Variants in PI4KB observed in about 807,000 individuals in gnomAD.
PI4KB encodes the protein phosphatidylinositol 4-kinase beta, also known as PtdIns 4-kinase beta.
Under a neutral mutation model 81.4 loss-of-function variants are expected in PI4KB, and 23 were observed. The ratio of observed to expected loss-of-function variants is 0.28; its 90% CI spans 0.20 to 0.40. PI4KB has a LOEUF of 0.40. Ranked by LOEUF, PI4KB falls within the 10% of genes least tolerant of loss-of-function variation. The pLI is 1.00. For synonymous variants in PI4KB, 381 were observed against 406.8 expected (o/e 0.94, Z 0.76); for missense variants, 651 against 1,036.6 (o/e 0.63, Z 5.11).
At chr1:151,316,652 A>G in intron 1 of PI4KB, 143 bp from the exon 2 acceptor site, 3 of 538,428 alleles carry the variant, frequency 5.6e-6, no homozygotes, top group Non-Finnish European at 9.6e-6. Context: ...CTTCAAAATC[A>G]GATAAGAAGA....
intron 1 of PI4KB, among the ~76,000 whole-genome samples, chr1:151,317,811 TTTA>T (rs1228675275): frequency 6.6e-6 from 1 of 151,974 alleles, no homozygotes; most frequent in Non-Finnish European, 1.5e-5. Context: ...GCATCTCACC[TTTA>T]TTTTTATTTT....
At chr1:151,302,425 A>G in intron 6 of PI4KB, 127 bp from the exon 7 acceptor site, 1 of 666,180 alleles carries the variant, frequency 1.5e-6, no homozygotes, top group South Asian at 1.7e-5. Context: ...CCAGGCTGAA[A>G]GGGACTCATG....
intron 1 of PI4KB, among the ~76,000 whole-genome samples, chr1:151,319,077 T>A (rs572705792): frequency 6.6e-6 from 1 of 152,164 alleles, no homozygotes; most frequent in African/African-American, 2.4e-5. Context: ...CAACTGCAAA[T>A]TGGGAAAAAA....
chr1:151,293,217 C>T (rs587774546), intron 11 of PI4KB, 184 bp from the exon 12 acceptor site: 13 of 985,352 alleles, frequency 1.3e-5, no homozygotes, highest in East Asian at 1.1e-4. Flanking sequence ...CATCACCCCA[C>T]GCCTAAGCCC....
intron 1 of PI4KB, among the ~76,000 whole-genome samples, chr1:151,322,267 C>T (rs1242527590): frequency 2.6e-5 from 4 of 152,190 alleles, no homozygotes; most frequent in Admixed American, 2.6e-4. Context: ...GGAATTGTTA[C>T]AGGTCACACA....
chr1:151,313,973 A>C (rs937413325), intron 2 of PI4KB, among the ~76,000 whole-genome samples: 9 of 152,264 alleles, frequency 5.9e-5, no homozygotes, highest in African/African-American at 2.2e-4. Context: ...TGGCAAAATA[A>C]TACCTGTCTC....
In PI4KB at chr1:151,316,004, T is replaced by C. The variant is rs755140943; in HGVS notation, c.478A>G (p.Ile160Val). ...CGAAAGCAGAAGAGCCGGTTGCCAA[T>C]GTAGGCTTGTACTCCAGGCTCCTTG... ...NSKEPGVQAY[I>V]GNRLFCFRNE... Residue 160 changes from isoleucine to valine, a missense_variant, in exon 2 of 12, where the codon ATT (isoleucine) becomes GTT (valine). Physicochemically the swap from Ile to Val is conservative, Grantham distance 29 (BLOSUM62 3). This residue lies in a region of PI4KB where 314 missense variants were observed against 397.8 expected (regional missense o/e 0.79). Coordinates refer to ENST00000368873, the MANE Select transcript of PI4KB (RefSeq NM_001369623.2). The C allele has an allele frequency of 2.5e-6, 4 of 1,613,804 alleles. No homozygotes were observed. Among genetic ancestry groups the C allele is most frequent in the South Asian group, 2.2e-5 (2 of 91,060 alleles).
chr1:151,305,603 C>T (rs1436230038), intron 5 of PI4KB, among the ~76,000 whole-genome samples: 1 of 152,214 alleles, frequency 6.6e-6, no homozygotes, highest in Non-Finnish European at 1.5e-5. Flanking sequence ...GATGCCCGCC[C>T]CAAGTCTGGT....
chr1:151,297,539 ATT>A (rs1181584273), intron 9 of PI4KB, among the ~76,000 whole-genome samples: 1,696 of 140,578 alleles, frequency 0.012, 33 homozygotes, highest in African/African-American at 0.041. Flanking sequence ...ATATATATAA[ATT>A]TTTTTTTTTT....
At chr1:151,311,985 C>T (rs1384509048) in intron 2 of PI4KB, among the ~76,000 whole-genome samples, 1 of 152,228 alleles carries the variant, frequency 6.6e-6, no homozygotes. Flanking sequence ...CCATTCTATA[C>T]CAAAATATTT....
At chr1:151,296,073 C>G (rs1212784647) in intron 9 of PI4KB, among the ~76,000 whole-genome samples, 1 of 152,156 alleles carries the variant, frequency 6.6e-6, no homozygotes, top group Non-Finnish European at 1.5e-5. Flanking sequence ...TGGTGAAACC[C>G]CGTCTCTACT....
Position 151,307,688 on chromosome 1 carries a change from G to A in PI4KB, c.1068C>T (p.Leu356=). The part of the protein sequence containing the change: ...EQKTQRLISE[L]SLLNHKLPAR... ...CAGGGAGCTTATGGTTGAGCAGGGA[G>A]AGCTCTGAGATCAGCCTCTGTGTTT... The change falls in exon 4 of 12, where the codon CTC becomes CTT. Residue 356 remains leucine (L), a synonymous_variant. Coordinates refer to ENST00000368873, the MANE Select transcript of PI4KB (RefSeq NM_001369623.2). The A allele has an allele frequency of 6.2e-7, 1 of 1,614,208 alleles. No homozygotes were observed.
intron 8 of PI4KB, among the ~76,000 whole-genome samples, chr1:151,299,671 C>T (rs1695090969): frequency 6.6e-6 from 1 of 151,860 alleles, no homozygotes; most frequent in Non-Finnish European, 1.5e-5. Flanking sequence ...GCCTGGGCGA[C>T]AGAGCGAGAC....
chr1:151,294,192 C>T, intron 10 of PI4KB, 54 bp from the exon 11 acceptor site: 1 of 1,576,840 alleles, frequency 6.3e-7, no homozygotes, highest in Non-Finnish European at 8.6e-7. Context: ...CGGGGATGGT[C>T]CCTGTCCTGA....
chr1:151,301,336 CT>C (rs1365598354), intron 8 of PI4KB, among the ~76,000 whole-genome samples: 1 of 152,228 alleles, frequency 6.6e-6, no homozygotes, highest in African/African-American at 2.4e-5. Context: ...CTGCCTCAGC[CT>C]CCCAAGTAGC....
intron 9 of PI4KB, among the ~76,000 whole-genome samples, chr1:151,298,183 T>C (rs181738564): frequency 2.1e-4 from 32 of 152,370 alleles, no homozygotes; most frequent in African/African-American, 7.0e-4. Context: ...GGAGAGTTCA[T>C]GGCTGAGAGT....
intron 1 of PI4KB, among the ~76,000 whole-genome samples, chr1:151,318,036 C>T (rs139930658): frequency 1.7e-4 from 26 of 152,230 alleles, no homozygotes; most frequent in East Asian, 7.8e-4. Context: ...TAGCTTTGAA[C>T]GCCTGGCCTC....
chr1:151,325,873 AG>A (rs1483130039), intron 1 of PI4KB, among the ~76,000 whole-genome samples: 1 of 152,198 alleles, frequency 6.6e-6, no homozygotes, highest in Non-Finnish European at 1.5e-5. Flanking sequence ...TGATGCCTAC[AG>A]AGAGTGGGCA....
Position 151,307,733 on chromosome 1 carries a change from C to T in PI4KB, c.1023G>A (p.Thr341=), listed in dbSNP as rs758615732. The T allele has an allele frequency of 5.6e-6, 9 of 1,613,966 alleles. No individual in the cohort carries two copies. The highest frequency in any genetic ancestry group is 3.3e-5 in the Admixed American group (2 of 59,984). Residue 341 remains threonine, a synonymous_variant, in exon 4 of 12, where the codon ACG becomes ACA. Transcript: ENST00000368873. ...GTGTTTTCTGCTCTTTGGTGGGGAG[C>T]GTGGCCAGCCGCTTGCCGATCGCCA... The part of the protein sequence containing the change: ...SLMAIGKRLA[T]LPTKEQKTQR...
Sources: allele counts gnomAD v4.1 joint callset (sites outside exome capture counted in the v4.1 genomes callset), GRCh38; gene constraint gnomAD v4.1.1; regional missense constraint gnomAD v4.1.1; transcripts MANE v1.5; gene names NCBI Gene and HGNC (gene_info 2026-07-23, HGNC 2026-07-21).